The following TSPOAP1 variants were observed in gnomAD, a reference collection of about 807,000 sequenced individuals.
The protein encoded by TSPOAP1 is TSPO associated protein 1, also known as peripheral-type benzodiazepine receptor-associated protein 1.
TSPOAP1 carries 87 observed loss-of-function variants against 197.0 expected under a neutral mutation model. That is an observed-to-expected ratio of 0.44 (90% confidence interval 0.37 to 0.53). TSPOAP1 has a LOEUF of 0.53. TSPOAP1 is among the 20% of genes least tolerant of loss of function. TSPOAP1 has a pLI of 0.00. For synonymous variants in TSPOAP1, 913 were observed against 998.9 expected (o/e 0.91, Z 1.62); for missense variants, 2,174 against 2,411.3 (o/e 0.90, Z 2.06).
rs867869527 is a variant in TSPOAP1, at chr17:58,305,219, C to T, written c.5434-48G>A. ...ACTGAGATCAGGAAAGAGGCTCTGG[C>T]CCTGCCCCTCGACTCTGATGCCCCT... On this transcript the variant is annotated intron_variant, in intron 29 of 31. Coordinates refer to ENST00000343736, the MANE Select transcript of TSPOAP1 (RefSeq NM_004758.4). 10 of 1,527,640 alleles carry T rather than the reference C, an allele frequency of 6.5e-6. No individual in the cohort carries two copies. The African/African-American group carries it at 8.2e-5, about 13-fold the overall frequency. The allele number at this position is 1,527,640 out of a possible 1,614,324, so 94.6% of individuals were successfully genotyped here.
rs539115813 is a variant in TSPOAP1, at chr17:58,324,887, G to C, written c.866C>G (p.Pro289Arg). 6.5e-7 allele frequency: 1 copy of C among 1,532,376 alleles called. No homozygotes were observed. Among genetic ancestry groups the C allele is most frequent in the African/African-American group, 1.4e-5 (1 of 72,746 alleles). The allele number at this position is 1,532,376 out of a possible 1,614,324, so 94.9% of individuals were successfully genotyped here. The change falls in exon 5 of 32, where the codon CCG becomes CGG. Residue 289 changes from proline to arginine, a missense_variant. By Grantham distance (103) the Pro-to-Arg change is moderately radical. Transcript: ENST00000343736. The surrounding 1 kb of genome is among the most constrained non-coding windows in gnomAD (Gnocchi z 5.8). ...IALRNQRETL[P>R]LPPSWPPGPA... ...GCCCGGGGGCCAGGACGGCGGGAGCGGGAGCGTCTCCCGCTGGTTGCGCAG... is the reference window on the plus strand; with the variant it reads ...GCCCGGGGGCCAGGACGGCGGGAGCCGGAGCGTCTCCCGCTGGTTGCGCAG...
chr17:58,316,137 T>G lies in TSPOAP1; in HGVS notation c.1989-5A>C. ...GGACCCTCAAAGGGGTTGTAGCTGT[T>G]AGGGGAGGCACAGAGGAGGAGGAGG... On this transcript the variant is annotated splice_polypyrimidine_tract_variant and splice_region_variant and intron_variant, in intron 15 of 31. Coordinates refer to ENST00000343736, the MANE Select transcript of TSPOAP1 (RefSeq NM_004758.4). 1 of 1,608,628 alleles carries G rather than the reference T, an allele frequency of 6.2e-7. No homozygotes were observed. The highest frequency in any genetic ancestry group is 8.5e-7 in the Non-Finnish European group (1 of 1,175,130).
chr17:58,327,068 C>T (rs1302171351), intron 1 of TSPOAP1, among the ~76,000 whole-genome samples: 2 of 152,210 alleles, frequency 1.3e-5, no homozygotes, highest in Admixed American at 6.5e-5. Flanking sequence ...CATGCGAGCT[C>T]GAGCTCCCAC....
rs904371043 is a variant in TSPOAP1, at chr17:58,324,158, C to T, written c.943-613G>A. ...ACAAAATCTGAGCAAGAAGCCTCCC[C>T]CCACCCGGAGGTCTTGGTCACTATC... On this transcript the variant is annotated intron_variant, in intron 5 of 31. Coordinates refer to ENST00000343736, the MANE Select transcript of TSPOAP1 (RefSeq NM_004758.4). The surrounding 1 kb of genome is among the most constrained non-coding windows in gnomAD (Gnocchi z 5.8). Among the ~76,000 whole-genome samples, 1 of 152,244 alleles carries T rather than the reference C, an allele frequency of 6.6e-6. No individual in the cohort carries two copies. Among genetic ancestry groups the T allele is most frequent in the Non-Finnish European group, 1.5e-5 (1 of 68,036 alleles).
chr17:58,319,226 T>C lies in TSPOAP1; in HGVS notation c.1563A>G (p.Glu521=), dbSNP rs2072146. 0.078 allele frequency: 124,797 copies of C among 1,598,014 alleles called. 5,828 individuals are homozygous for C. The highest frequency in any genetic ancestry group is 0.19 in the East Asian group (8,224 of 43,794). Residue 521 remains glutamate (E), a synonymous_variant, in exon 13 of 32, where the codon GAA becomes GAG. Coordinates refer to ENST00000343736, the MANE Select transcript of TSPOAP1 (RefSeq NM_004758.4). ...CCGGGTGCAGGCGGAAAGCCTGGAGTTCCTGTGCCAGGAGGCTGAACTGCT... is the reference window on the plus strand; with the variant it reads ...CCGGGTGCAGGCGGAAAGCCTGGAGCTCCTGTGCCAGGAGGCTGAACTGCT... The part of the protein sequence containing the change: ...QTEQFSLLAQ[E]LQAFRLHPGP...
intron 11 of TSPOAP1, 60 bp downstream of exon 11, chr17:58,320,470 TG>T (rs1175819633): frequency 1.4e-6 from 2 of 1,452,676 alleles, no homozygotes; most frequent in Non-Finnish European, 9.1e-7. Context: ...CAGCTCTATC[TG>T]GAGGACCCCC....
rs534172173 is a variant in TSPOAP1 at position 58,302,339 on chromosome 17, C to T, written c.*141G>A. 92 of 1,289,620 alleles carry T rather than the reference C, an allele frequency of 7.1e-5. No individual in the cohort carries two copies. The highest frequency in any genetic ancestry group is 9.9e-5 in the South Asian group (8 of 81,032). The allele number at this position is 1,289,620 out of a possible 1,614,324, so 79.9% of individuals were successfully genotyped here. A position where few individuals can be genotyped will look rare whatever the true frequency, so the allele number is the denominator to read the frequency against. ...TTGGAGAAGAAACCCCACACCTTCT[C>T]GCTTCTGCCCTGGGGCTCCCCACGT... On this transcript the variant is annotated 3_prime_UTR_variant, in exon 32 of 32. Coordinates refer to ENST00000343736, the MANE Select transcript of TSPOAP1 (RefSeq NM_004758.4).
Position 58,308,851 on chromosome 17 carries a change from C to G in TSPOAP1, c.4421G>C (p.Arg1474Pro), listed in dbSNP as rs769795017. Residue 1474 changes from arginine (R) to proline (P), a missense_variant, in exon 22 of 32, where the codon CGG becomes CCG. Physicochemically the swap from Arg to Pro is moderately radical, Grantham distance 103 (BLOSUM62 -2). Coordinates refer to ENST00000343736, the MANE Select transcript of TSPOAP1 (RefSeq NM_004758.4). ...ASGRGRLGPSRRCSRGRALEP... is the reference protein window; with the variant it reads ...ASGRGRLGPSPRCSRGRALEP... ...CAGCGCCCGGCCACGGGAGCACCTCCGGGAAGGGCCCAGCCGGCCTCTCCC... is the reference window on the plus strand; with the variant it reads ...CAGCGCCCGGCCACGGGAGCACCTCGGGGAAGGGCCCAGCCGGCCTCTCCC... 5.5e-5 allele frequency: 88 copies of G among 1,609,396 alleles called. No individual in the cohort carries two copies. Among genetic ancestry groups the G allele is most frequent in the Non-Finnish European group, 6.8e-5 (80 of 1,177,756 alleles).
rs1228004547 is a variant in TSPOAP1, at chr17:58,328,160, C to A, written c.-240G>T. 1.8e-6 allele frequency: 1 copy of A among 560,036 alleles called. No individual in the cohort carries two copies. Among genetic ancestry groups the A allele is most frequent in the African/African-American group, 1.9e-5 (1 of 53,374 alleles). 34.7% of individuals were successfully genotyped at this position (560,036 alleles called of 1,614,324 possible). A position where few individuals can be genotyped will look rare whatever the true frequency, so the allele number is the denominator to read the frequency against. On this transcript the variant is annotated 5_prime_UTR_variant, in exon 1 of 32. Coordinates refer to ENST00000343736, the MANE Select transcript of TSPOAP1 (RefSeq NM_004758.4). This position sits in a 1 kb window ranked among gnomAD's most constrained non-coding sequence, Gnocchi z 4.3. The stretch of plus-strand genomic sequence containing the variant: ...GTTTGCTGGTAGCTGTGTGTGTGCG[C>A]GAGTATGTGGAGGAGCGAGGGTGTC...
Position 58,302,430 on chromosome 17 carries a change from T to G in TSPOAP1, c.*50A>C. 7.9e-7 allele frequency: 1 copy of G among 1,270,616 alleles called. No homozygotes were observed. The highest frequency in any genetic ancestry group is 1.0e-6 in the Non-Finnish European group (1 of 981,186). The allele number at this position is 1,270,616 out of a possible 1,614,324, so 78.7% of individuals were successfully genotyped here. A position where few individuals can be genotyped will look rare whatever the true frequency, so the allele number is the denominator to read the frequency against. On this transcript the variant is annotated 3_prime_UTR_variant, in exon 32 of 32. Coordinates refer to ENST00000343736, the MANE Select transcript of TSPOAP1 (RefSeq NM_004758.4). Reference sequence around the variant, plus strand: ...CACCTGGGGGCCCTGGGGACCCTTGTGTGGTGCAGCCCCAGTCCTGAAATG... The same window carrying G: ...CACCTGGGGGCCCTGGGGACCCTTGGGTGGTGCAGCCCCAGTCCTGAAATG...
At chr17:58,307,034 C>G in intron 24 of TSPOAP1, 66 bp from the exon 25 acceptor site, 1 of 1,504,534 alleles carries the variant, frequency 6.6e-7, no homozygotes, top group East Asian at 2.3e-5. Context: ...CCCCGAACCC[C>G]AGCAACACCC....
At position 58,306,947 on chromosome 17, in the gene TSPOAP1, C is replaced by A; in HGVS notation, c.5005G>T (p.Asp1669Tyr). 2 of 1,612,726 alleles carry A rather than the reference C, an allele frequency of 1.2e-6. No homozygotes were observed. The highest frequency in any genetic ancestry group is 1.7e-6 in the Non-Finnish European group (2 of 1,179,898). ...CCACCTTCGCCCTGGTAGAAGCCAT[C>A]GGCATCCTTGTCCCCAAACACCTGG... is the stretch of plus-strand genomic sequence containing the variant. ...ILKVFGDKDA[D>Y]GFYQGEGGGR... Residue 1669 changes from aspartate (D) to tyrosine (Y), a missense_variant, in exon 25 of 32, where the codon GAT becomes TAT. Asp to Tyr is a radical substitution (Grantham distance 160). Transcript: ENST00000343736.
At position 58,326,545 on chromosome 17, in the gene TSPOAP1, G is replaced by T; in HGVS notation, c.442-124C>A. The T allele has an allele frequency of 1.3e-6, 2 of 1,541,474 alleles. No individual in the cohort carries two copies. The highest frequency in any genetic ancestry group is 1.8e-6 in the Non-Finnish European group (2 of 1,133,906). On this transcript the variant is annotated intron_variant, in intron 2 of 31. Transcript: ENST00000343736. This position sits in a 1 kb window ranked among gnomAD's most constrained non-coding sequence, Gnocchi z 4.7. Reference sequence around the variant, plus strand: ...GGGTCCTTGGCAACTCTAGGCAGGGGTTCACCCTCTCTGGGTCTCAGGATT... The same window carrying T: ...GGGTCCTTGGCAACTCTAGGCAGGGTTTCACCCTCTCTGGGTCTCAGGATT...
In TSPOAP1 at chr17:58,308,851, C is replaced by A; in HGVS notation, c.4421G>T (p.Arg1474Leu). The A allele has an allele frequency of 2.5e-6, 4 of 1,609,512 alleles. No individual in the cohort carries two copies. Among genetic ancestry groups the A allele is most frequent in the Non-Finnish European group, 3.4e-6 (4 of 1,177,746 alleles). Reference sequence around the variant, plus strand: ...CAGCGCCCGGCCACGGGAGCACCTCCGGGAAGGGCCCAGCCGGCCTCTCCC... The same window carrying A: ...CAGCGCCCGGCCACGGGAGCACCTCAGGGAAGGGCCCAGCCGGCCTCTCCC... ...ASGRGRLGPSRRCSRGRALEP... is the reference protein window; with the variant it reads ...ASGRGRLGPSLRCSRGRALEP... Residue 1474 changes from arginine to leucine, a missense_variant, in exon 22 of 32, where the codon CGG (arginine) becomes CTG (leucine). Transcript: ENST00000343736.
chr17:58,312,287 A>T lies in TSPOAP1; in HGVS notation c.2534T>A (p.Leu845Gln). 1 of 1,612,782 alleles carries T rather than the reference A, an allele frequency of 6.2e-7. No individual in the cohort carries two copies. The highest frequency in any genetic ancestry group is 8.5e-7 in the Non-Finnish European group (1 of 1,179,808). Reference sequence around the variant, plus strand: ...CCCGGCCCACAGGTCCAGGTTCTCCAGCACGGCCTTGGGTGGCGCCCCAGG... The same window carrying T: ...CCCGGCCCACAGGTCCAGGTTCTCCTGCACGGCCTTGGGTGGCGCCCCAGG... The part of the protein sequence containing the change: ...LGPGAPPKAV[L>Q]ENLDLWAGPL... Residue 845 changes from leucine (L) to glutamine (Q), a missense_variant, in exon 17 of 32, where the codon CTG (leucine) becomes CAG (glutamine). Leu to Gln is a moderately radical substitution (Grantham distance 113, BLOSUM62 -2). This residue lies in a region of TSPOAP1 where 1,933 missense variants were observed against 2,139.0 expected (regional missense o/e 0.90). Transcript: ENST00000343736.
At position 58,327,805 on chromosome 17, in the gene TSPOAP1, G is replaced by T; in HGVS notation, c.116C>A (p.Ala39Asp). 6.2e-7 allele frequency: 1 copy of T among 1,614,118 alleles called. No individual in the cohort carries two copies. Among genetic ancestry groups the T allele is most frequent in the South Asian group, 1.1e-5 (1 of 91,088 alleles). The change falls in exon 1 of 32, where the codon GCC (alanine) becomes GAC (aspartate). Residue 39 changes from alanine to aspartate, a missense_variant. Physicochemically the swap from Ala to Asp is moderately radical, Grantham distance 126. Around this residue, in one of 5 missense-constraint regions of TSPOAP1, gnomAD observed 1,933 missense variants for 2,139.0 expected, o/e 0.90. Coordinates refer to ENST00000343736, the MANE Select transcript of TSPOAP1 (RefSeq NM_004758.4). ...PGRGGEPSSAAPSIADTPPAA... is the reference protein window; with the variant it reads ...PGRGGEPSSADPSIADTPPAA... ...CGGAGGAGTATCAGCGATGCTTGGG[G>T]CTGCACTGCTAGGTTCACCCCCTCG...
intron 12 of TSPOAP1, 99 bp from the exon 13 acceptor site, chr17:58,319,393 T>G (rs1555621989): frequency 7.6e-7 from 1 of 1,313,094 alleles, no homozygotes; most frequent in Non-Finnish European, 1.0e-6. Flanking sequence ...TCAGGTCATA[T>G]CCATCCACCC....
chr17:58,322,429 G>C lies in TSPOAP1; in HGVS notation c.1318-17C>G, dbSNP rs367604965. 38 of 1,604,732 alleles carry C rather than the reference G, an allele frequency of 2.4e-5. No homozygotes were observed. In the Middle Eastern group the frequency reaches 4.9e-4, roughly 21 times the overall value. On this transcript the variant is annotated splice_polypyrimidine_tract_variant and intron_variant, in intron 9 of 31. Coordinates refer to ENST00000343736, the MANE Select transcript of TSPOAP1 (RefSeq NM_004758.4). This position sits in a 1 kb window ranked among gnomAD's most constrained non-coding sequence, Gnocchi z 5.0. ...CCGCATGTGCTGAAACACAAGATCT[G>C]AGTCAAGGCCAGAGCCCCTACTTGG...
At position 58,311,039 on chromosome 17, in the gene TSPOAP1, G is replaced by C. The variant is rs1567842156; in HGVS notation, c.3256C>G (p.Arg1086Gly). Residue 1086 changes from arginine (R) to glycine (G), a missense_variant, in exon 19 of 32, where the codon CGA becomes GGA. Around this residue, in one of 5 missense-constraint regions of TSPOAP1, gnomAD observed 1,933 missense variants for 2,139.0 expected, o/e 0.90. Coordinates refer to ENST00000343736, the MANE Select transcript of TSPOAP1 (RefSeq NM_004758.4). ...PALAPASLPA[R>G]VSCPSPHPSP... is the part of the protein sequence containing the mutation. ...GGGTGCGGTGAGGGGCAGGAGACTC[G>C]GGCTGGCAGGCTGGCCGGAGCCAGG... The C allele has an allele frequency of 1.3e-6, 2 of 1,586,394 alleles. No individual in the cohort carries two copies. The highest frequency in any genetic ancestry group is 1.7e-6 in the Non-Finnish European group (2 of 1,166,474).
Sources: allele counts gnomAD v4.1 joint callset (sites outside exome capture counted in the v4.1 genomes callset), GRCh38; gene constraint gnomAD v4.1.1; regional missense constraint gnomAD v4.1.1; non-coding constraint Gnocchi (gnomAD v3.1); transcripts MANE v1.5; gene names NCBI Gene and HGNC (gene_info 2026-07-23, HGNC 2026-07-21).